The following SYPL1 variants were observed in gnomAD, a reference collection of about 807,000 sequenced individuals.
SYPL1 encodes synaptophysin-like protein 1.
In SYPL1, 6 loss-of-function variants were observed where a neutral mutation model predicts 23.7. The observed-to-expected ratio is 0.25, with a 90% CI of 0.14 to 0.50. SYPL1 has a LOEUF of 0.50. SYPL1 is among the 20% of genes least tolerant of loss of function. The pLI is 0.98. For synonymous variants in SYPL1, 102 were observed against 104.5 expected (o/e 0.98, Z 0.15); for missense variants, 253 against 288.9 (o/e 0.88, Z 0.90).
At chr7:106,093,663 G>A (rs1010144462) in intron 3 of SYPL1, among the ~76,000 whole-genome samples, 1 of 108,890 alleles carries the variant, frequency 9.2e-6, no homozygotes, top group Admixed American at 1.1e-4. Context: ...TCTGTTCTAA[G>A]GGCCTTCATT....
In SYPL1 at chr7:106,097,026, G is replaced by T. The variant is rs1395569473; in HGVS notation, c.402+664C>A. 6.6e-6 allele frequency among the ~76,000 whole-genome samples: 1 copy of T among 152,138 alleles called. No homozygotes were observed. The highest frequency in any genetic ancestry group is 1.9e-4 in the East Asian group (1 of 5,198). On this transcript the variant is annotated intron_variant, in intron 3 of 4. Coordinates refer to ENST00000455385, the MANE Select transcript of SYPL1 (RefSeq NM_182715.4). The surrounding 1 kb of genome is among the most constrained non-coding windows in gnomAD (Gnocchi z 4.6). ...GCCCAGGAGTTTGAGACCAGCCTGG[G>T]CAACATGGTAAAACTTCGTCTTTAC...
upstream of SYPL1, chr7:106,112,420 G>T: frequency 7.1e-7 from 1 of 1,407,900 alleles, no homozygotes; most frequent in Non-Finnish European, 9.2e-7. Context: ...GAGTGGGGCG[G>T]CTGGGGAGGC....
chr7:106,101,019 A>C (rs1840280672), intron 1 of SYPL1, among the ~76,000 whole-genome samples: 1 of 152,064 alleles, frequency 6.6e-6, no homozygotes, highest in Non-Finnish European at 1.5e-5. Context: ...TGCACTGGCT[A>C]TTTCCTCTGC....
intron 1 of SYPL1, among the ~76,000 whole-genome samples, chr7:106,103,555 T>C (rs755348567): frequency 2.9e-4 from 44 of 152,198 alleles, no homozygotes; most frequent in Non-Finnish European, 4.7e-4. Flanking sequence ...TAATCTAAAT[T>C]GATATATACT....
At position 106,091,815 on chromosome 7, in the gene SYPL1, G is replaced by T; in HGVS notation, c.716C>A (p.Thr239Asn). ...PHSQGGIPPPTGI is the reference protein window; with the variant it reads ...PHSQGGIPPPNGI Reference sequence around the variant, plus strand: ...TATTTCTCCCTTTAATTATATTCCGGTAGGAGGTGGAATACCTCCTTGGCT... The same window carrying T: ...TATTTCTCCCTTTAATTATATTCCGTTAGGAGGTGGAATACCTCCTTGGCT... Residue 239 changes from threonine (T) to asparagine (N), a missense_variant, in exon 5 of 5, where the codon ACC becomes AAC. Physicochemically the swap from Thr to Asn is moderately conservative, Grantham distance 65 (BLOSUM62 0). Transcript: ENST00000455385. The surrounding 1 kb of genome is among the most constrained non-coding windows in gnomAD (Gnocchi z 5.0). 6.2e-7 allele frequency: 1 copy of T among 1,611,268 alleles called. No homozygotes were observed. Among genetic ancestry groups the T allele is most frequent in the South Asian group, 1.1e-5 (1 of 90,456 alleles).
chr7:106,095,492 G>A lies in SYPL1; in HGVS notation c.402+2198C>T, dbSNP rs986109644. ...AGCCTCCCAGTAGCTGGGATTACAG[G>A]TGCCCACCACCATGTCCAGCTAATT... On this transcript the variant is annotated intron_variant, in intron 3 of 4. Coordinates refer to ENST00000455385, the MANE Select transcript of SYPL1 (RefSeq NM_182715.4). This position sits in a 1 kb window ranked among gnomAD's most constrained non-coding sequence, Gnocchi z 4.3. Among the ~76,000 whole-genome samples, 2 of 151,894 alleles carry A rather than the reference G, an allele frequency of 1.3e-5. No individual in the cohort carries two copies. Among genetic ancestry groups the A allele is most frequent in the Non-Finnish European group, 2.9e-5 (2 of 67,982 alleles).
rs1403827597 is a variant in SYPL1, at chr7:106,096,171, T to A, written c.402+1519A>T. ...GGATAAGCACTGCAAATTAAAACAG[T>A]TGACGTCTTATCTTTTTAACAACCG... On this transcript the variant is annotated intron_variant, in intron 3 of 4. Transcript: ENST00000455385. The surrounding 1 kb of genome is among the most constrained non-coding windows in gnomAD (Gnocchi z 4.4). The A allele has an allele frequency of 6.6e-6, 1 of 152,346 alleles. No individual in the cohort carries two copies. The highest frequency in any genetic ancestry group is 2.1e-4 in the South Asian group (1 of 4,830). 9.4% of individuals were successfully genotyped at this position (152,346 alleles called of 1,614,324 possible).
At position 106,112,306 on chromosome 7, in the gene SYPL1, C is replaced by T; in HGVS notation, c.-98G>A. ...CGGTGGCGAGGAAGGGCAGGCGGGGCTGGCGCGCTGGCCGGGCTCGGAGGC... is the reference window on the plus strand; with the variant it reads ...CGGTGGCGAGGAAGGGCAGGCGGGGTTGGCGCGCTGGCCGGGCTCGGAGGC... On this transcript the variant is annotated 5_prime_UTR_variant, in exon 1 of 5. Coordinates refer to ENST00000455385, the MANE Select transcript of SYPL1 (RefSeq NM_182715.4). 3.8e-6 allele frequency: 5 copies of T among 1,327,148 alleles called. No individual in the cohort carries two copies. The highest frequency in any genetic ancestry group is 3.9e-6 in the Non-Finnish European group (4 of 1,027,712). 82.2% of individuals were successfully genotyped at this position (1,327,148 alleles called of 1,614,324 possible). A position where few individuals can be genotyped will look rare whatever the true frequency, so the allele number is the denominator to read the frequency against.
At chr7:106,094,900 G>C (rs1159012616) in intron 3 of SYPL1, among the ~76,000 whole-genome samples, 1 of 152,062 alleles carries the variant, frequency 6.6e-6, no homozygotes, top group Non-Finnish European at 1.5e-5. Context: ...GAAGGAACGT[G>C]GGGGGAATTC....
chr7:106,091,650 G>T lies in SYPL1; in HGVS notation c.*155C>A. 1 of 695,294 alleles carries T rather than the reference G, an allele frequency of 1.4e-6. No individual in the cohort carries two copies. Among genetic ancestry groups the T allele is most frequent in the Non-Finnish European group, 2.1e-6 (1 of 467,310 alleles). The allele number at this position is 695,294 out of a possible 1,614,324, so 43.1% of individuals were successfully genotyped here. A position where few individuals can be genotyped will look rare whatever the true frequency, so the allele number is the denominator to read the frequency against. Reference sequence around the variant, plus strand: ...ATTTACATCTTAACTTTCTAGGAAAGGCACAGGCTTTATGTAAAAAAGCAG... The same window carrying T: ...ATTTACATCTTAACTTTCTAGGAAATGCACAGGCTTTATGTAAAAAAGCAG... On this transcript the variant is annotated 3_prime_UTR_variant, in exon 5 of 5. Transcript: ENST00000455385. This position sits in a 1 kb window ranked among gnomAD's most constrained non-coding sequence, Gnocchi z 5.0.
At chr7:106,112,061 G>A in intron 1 of SYPL1, 79 bp downstream of exon 1, 8 of 1,242,218 alleles carry the variant, frequency 6.4e-6, no homozygotes, top group Non-Finnish European at 8.2e-6. Flanking sequence ...GCTGCGTCCC[G>A]GCTCGCAGGT....
Position 106,095,883 on chromosome 7 carries a change from G to T in SYPL1, c.402+1807C>A, listed in dbSNP as rs1308631293. Among the ~76,000 whole-genome samples the T allele has an allele frequency of 6.6e-6, 1 of 152,004 alleles. No homozygotes were observed. Among genetic ancestry groups the T allele is most frequent in the Non-Finnish European group, 1.5e-5 (1 of 68,000 alleles). ...CTAGGTCAGTTTTATAGTTTTATCA[G>T]ACAAAAACCACCTACAAAAATAGAT... is the stretch of plus-strand genomic sequence containing the variant. On this transcript the variant is annotated intron_variant, in intron 3 of 4. Transcript: ENST00000455385. This position sits in a 1 kb window ranked among gnomAD's most constrained non-coding sequence, Gnocchi z 4.3.
intron 1 of SYPL1, among the ~76,000 whole-genome samples, chr7:106,105,961 A>C (rs1008650207): frequency 6.6e-6 from 1 of 152,238 alleles, no homozygotes; most frequent in Non-Finnish European, 1.5e-5. Flanking sequence ...TTGGTAACAC[A>C]CACACTCATG....
intron 1 of SYPL1, among the ~76,000 whole-genome samples, chr7:106,105,325 C>G (rs1840535912): frequency 6.6e-6 from 1 of 151,580 alleles, no homozygotes; most frequent in African/African-American, 2.4e-5. Context: ...AACTTATTTT[C>G]CCATATACTC....
rs1006840526 is a variant in SYPL1 at position 106,096,546 on chromosome 7, G to T, written c.402+1144C>A. Among the ~76,000 whole-genome samples, 3 of 152,172 alleles carry T rather than the reference G, an allele frequency of 2.0e-5. No individual in the cohort carries two copies. Among genetic ancestry groups the T allele is most frequent in the African/African-American group, 7.2e-5 (3 of 41,442 alleles). On this transcript the variant is annotated intron_variant, in intron 3 of 4. Transcript: ENST00000455385. The surrounding 1 kb of genome is among the most constrained non-coding windows in gnomAD (Gnocchi z 4.4). Reference sequence around the variant, plus strand: ...TAGTGGAGGTGTAGCTTAAAACCATGATTTCTCTCTGGATTTGCCACCAAT... The same window carrying T: ...TAGTGGAGGTGTAGCTTAAAACCATTATTTCTCTCTGGATTTGCCACCAAT...
chr7:106,093,469 A>G (rs1353275596), intron 3 of SYPL1, among the ~76,000 whole-genome samples: 2 of 152,108 alleles, frequency 1.3e-5, no homozygotes, highest in Non-Finnish European at 2.9e-5. Flanking sequence ...GTCATCACCA[A>G]TAACTGTATC....
rs993402816 is a variant in SYPL1, at chr7:106,109,350, T to A, written c.69+2790A>T. Among the ~76,000 whole-genome samples, 15 of 152,220 alleles carry A rather than the reference T, an allele frequency of 9.9e-5. No individual in the cohort carries two copies. Among genetic ancestry groups the A allele is most frequent in the African/African-American group, 3.4e-4 (14 of 41,458 alleles). Reference sequence around the variant, plus strand: ...TTCATTCAGCCTACTAAAATCTGGCTTTTTGATTTTACTGAAACTGCTCTT... The same window carrying A: ...TTCATTCAGCCTACTAAAATCTGGCATTTTGATTTTACTGAAACTGCTCTT... On this transcript the variant is annotated intron_variant, in intron 1 of 4. Coordinates refer to ENST00000455385, the MANE Select transcript of SYPL1 (RefSeq NM_182715.4). This position sits in a 1 kb window ranked among gnomAD's most constrained non-coding sequence, Gnocchi z 4.3.
chr7:106,092,966 A>G lies in SYPL1; in HGVS notation c.574T>C (p.Ser192Pro). 6.2e-7 allele frequency: 1 copy of G among 1,602,360 alleles called. No homozygotes were observed. Among genetic ancestry groups the G allele is most frequent in the Non-Finnish European group, 8.5e-7 (1 of 1,175,464 alleles). Reference protein sequence around the residue: ...CYFGSVTSMGSLNVSVIFGFL... With the variant: ...CYFGSVTSMGPLNVSVIFGFL... ...ATACATACCACAGATACATTTAGGG[A>G]TCCCATACTGGTCACAGAGCCAAAG... The change falls in exon 4 of 5, where the codon TCC (serine) becomes CCC (proline). Residue 192 changes from serine (S) to proline (P), a missense_variant. Ser to Pro is a moderately conservative substitution (Grantham distance 74, BLOSUM62 -1). Transcript: ENST00000455385.
Position 106,096,739 on chromosome 7 carries a change from G to A in SYPL1, c.402+951C>T, listed in dbSNP as rs1287000299. Reference sequence around the variant, plus strand: ...CTGAGTATAAGAATTACCTGGGTCTGATTTTAAATTAAGGAGTTTAGGGAC... The same window carrying A: ...CTGAGTATAAGAATTACCTGGGTCTAATTTTAAATTAAGGAGTTTAGGGAC... On this transcript the variant is annotated intron_variant, in intron 3 of 4. Coordinates refer to ENST00000455385, the MANE Select transcript of SYPL1 (RefSeq NM_182715.4). The surrounding 1 kb of genome is among the most constrained non-coding windows in gnomAD (Gnocchi z 4.4). Among the ~76,000 whole-genome samples the A allele has an allele frequency of 6.6e-6, 1 of 152,168 alleles. No homozygotes were observed. Among genetic ancestry groups the A allele is most frequent in the Non-Finnish European group, 1.5e-5 (1 of 68,032 alleles).
Sources: allele counts gnomAD v4.1 joint callset (sites outside exome capture counted in the v4.1 genomes callset), GRCh38; gene constraint gnomAD v4.1.1; non-coding constraint Gnocchi (gnomAD v3.1); transcripts MANE v1.5; gene names NCBI Gene and HGNC (gene_info 2026-07-23, HGNC 2026-07-21).